The following TULP4 variants were observed in gnomAD, a reference collection of about 807,000 sequenced individuals.
TULP4 encodes TUB like protein 4.
A neutral mutation model predicts 129.0 loss-of-function variants in TULP4; 16 were observed. That is an observed-to-expected ratio of 0.12 (90% CI 0.08 to 0.19). The LOEUF is 0.19. Among genes scored for constraint, TULP4 ranks in the 10% least tolerant of loss-of-function variants. TULP4 has a pLI of 1.00. For missense variants in TULP4, 1,842 were observed against 2,059.1 expected (o/e 0.89, Z 2.04); for synonymous variants, 998 against 854.0 (o/e 1.17, Z -2.94).
At chr6:158,312,224 G>A (rs991575753), upstream of TULP4, 4 of 397,776 alleles carry the variant, frequency 1.0e-5, no homozygotes, top group African/African-American at 6.2e-5. Flanking sequence ...GTGCACACTT[G>A]AGAGTTTTAC....
At chr6:158,454,024 C>CCCCA in intron 5 of TULP4, among the ~76,000 whole-genome samples, 2 of 147,618 alleles carry the variant, frequency 1.4e-5, no homozygotes, top group African/African-American at 2.5e-5. Flanking sequence ...CTGCACCGCC[C>CCCCA]CCCCCCAAGT....
intron 1 of TULP4, among the ~76,000 whole-genome samples, chr6:158,241,493 G>A (rs1583667852): frequency 6.6e-6 from 1 of 151,830 alleles, no homozygotes. Flanking sequence ...CTGCAATCCC[G>A]GCACCTCGGG....
chr6:158,244,492 G>A (rs1777988948), intron 1 of TULP4, among the ~76,000 whole-genome samples: 1 of 152,136 alleles, frequency 6.6e-6, no homozygotes. Context: ...GGTAATTAAG[G>A]TTAGATGAGG....
chr6:158,458,148 T>G (rs1275216011), intron 5 of TULP4, among the ~76,000 whole-genome samples: 1 of 152,226 alleles, frequency 6.6e-6, no homozygotes, highest in Admixed American at 6.5e-5. Flanking sequence ...TGGTGCTTGA[T>G]AAGCACTCCT....
At chr6:158,324,124 A>G (rs6455571) in intron 1 of TULP4, among the ~76,000 whole-genome samples, 142,215 of 152,280 alleles carry the variant, frequency 0.93, 66,483 homozygotes, top group Admixed American at 0.96. Flanking sequence ...CTAGAATTTG[A>G]TGGATGTTCC....
chr6:158,418,168 G>T (rs562930444), intron 2 of TULP4, among the ~76,000 whole-genome samples: 3 of 150,642 alleles, frequency 2.0e-5, no homozygotes, highest in African/African-American at 7.3e-5. Context: ...GTGCAGTGGC[G>T]CATCTTCGGC....
chr6:158,450,048 G>A (rs562137979), intron 4 of TULP4, among the ~76,000 whole-genome samples: 162 of 152,254 alleles, frequency 1.1e-3, no homozygotes, highest in Non-Finnish European at 1.6e-3. Flanking sequence ...CTAGGTATTT[G>A]AAACTATATA....
chr6:158,448,593 T>C (rs776332286), intron 3 of TULP4, among the ~76,000 whole-genome samples: 10 of 152,192 alleles, frequency 6.6e-5, no homozygotes, highest in Admixed American at 2.6e-4. Context: ...AGCTTTTTCT[T>C]CTAAATTTGA....
At chr6:158,320,559 G>A (rs1779602317) in intron 1 of TULP4, among the ~76,000 whole-genome samples, 1 of 151,742 alleles carries the variant, frequency 6.6e-6, no homozygotes, top group South Asian at 2.1e-4. Context: ...AGCCTCCTGA[G>A]TAGCTATGAT....
chr6:158,430,276 C>T (rs945610708), intron 3 of TULP4, among the ~76,000 whole-genome samples: 2 of 151,748 alleles, frequency 1.3e-5, no homozygotes, highest in African/African-American at 4.8e-5. Flanking sequence ...ACAAAGAAGC[C>T]CATCCACATG....
intron 1 of TULP4, among the ~76,000 whole-genome samples, chr6:158,340,302 C>G (rs1210968125): frequency 6.6e-6 from 1 of 152,114 alleles, no homozygotes; most frequent in East Asian, 1.9e-4. Context: ...AGGACCACTC[C>G]TAAGTGTTGA....
chr6:158,499,858 A>T (rs74372785), intron 12 of TULP4, among the ~76,000 whole-genome samples: 1 of 152,096 alleles, frequency 6.6e-6, no homozygotes, highest in Non-Finnish European at 1.5e-5. Context: ...AAGAAAAAAA[A>T]ATGATTTATA....
At chr6:158,308,070 G>A (rs1156574404), upstream of TULP4, among the ~76,000 whole-genome samples, 2 of 144,534 alleles carry the variant, frequency 1.4e-5, no homozygotes, top group Non-Finnish European at 3.0e-5. Flanking sequence ...GCAGGGTCAT[G>A]GGACAATAGT....
intron 1 of TULP4, among the ~76,000 whole-genome samples, chr6:158,359,256 A>T (rs1780712915): frequency 6.6e-6 from 1 of 152,184 alleles, no homozygotes. Context: ...GGAAAAAAAA[A>T]TCGTTCTTTG....
At position 158,379,324 on chromosome 6, in the gene TULP4, G is replaced by A. The variant is rs1212937153; in HGVS notation, c.253-33741G>A. Among the ~76,000 whole-genome samples the A allele has an allele frequency of 2.6e-5, 4 of 152,264 alleles. No homozygotes were observed. In the East Asian group the frequency reaches 7.7e-4, roughly 29 times the overall value. ...GGTAGGGAAGTTTTCTCAAGGGATTGCCCCAACTCTCTTGAGGTAGGGCCA... is the reference window on the plus strand; with the variant it reads ...GGTAGGGAAGTTTTCTCAAGGGATTACCCCAACTCTCTTGAGGTAGGGCCA... On this transcript the variant is annotated intron_variant, in intron 1 of 13. Coordinates refer to ENST00000367097, the MANE Select transcript of TULP4 (RefSeq NM_020245.5).
intron 3 of TULP4, among the ~76,000 whole-genome samples, chr6:158,443,626 G>A (rs1583881505): frequency 6.6e-6 from 1 of 152,186 alleles, no homozygotes; most frequent in Non-Finnish European, 1.5e-5. Flanking sequence ...ACATAGGAGA[G>A]TCTCTCATCT....
intron 1 of TULP4, among the ~76,000 whole-genome samples, chr6:158,245,961 A>T (rs986390281): frequency 5.9e-5 from 9 of 151,926 alleles, no homozygotes; most frequent in Non-Finnish European, 1.2e-4. Flanking sequence ...CTCCTGTCAT[A>T]AGATTCAAAT....
At chr6:158,354,505 A>T (rs771168751) in intron 1 of TULP4, among the ~76,000 whole-genome samples, 1 of 152,248 alleles carries the variant, frequency 6.6e-6, no homozygotes, top group Non-Finnish European at 1.5e-5. Flanking sequence ...TGTAATAGGC[A>T]TACTTAACAC....
At position 158,502,952 on chromosome 6, in the gene TULP4, C is replaced by T. The variant is rs1213120667; in HGVS notation, c.3289C>T (p.His1097Tyr). The T allele has an allele frequency of 5.0e-6, 8 of 1,614,028 alleles. No homozygotes were observed. The highest frequency in any genetic ancestry group is 5.9e-6 in the Non-Finnish European group (7 of 1,180,016). Residue 1097 changes from histidine to tyrosine, a missense_variant, in exon 13 of 14, where the codon CAC becomes TAC. Transcript: ENST00000367097. ...CACGGAGGACGAGGCCCTGTCCCAGCACTGTCAGCTTGAGAAGCCCTTGAG... is the reference window on the plus strand; with the variant it reads ...CACGGAGGACGAGGCCCTGTCCCAGTACTGTCAGCTTGAGAAGCCCTTGAG... ...AFTEDEALSQ[H>Y]CQLEKPLRHP...
Sources: gnomAD v4.1 joint callset for allele counts (sites outside exome capture counted in the v4.1 genomes callset) on GRCh38, gnomAD v4.1.1 for gene constraint, MANE v1.5 for transcripts, NCBI Gene and HGNC (gene_info 2026-07-23, HGNC 2026-07-21) for gene names.